Variants in BRCC3 observed in about 807,000 individuals in gnomAD.
BRCC3 encodes BRCA1/BRCA2-containing complex subunit 3.
A neutral mutation model predicts 28.0 loss-of-function variants in BRCC3; 15 were observed. The ratio of observed to expected loss-of-function variants is 0.54; its 90% CI spans 0.36 to 0.82. The LOEUF (loss-of-function observed/expected upper bound fraction) is 0.82, where lower values mean the gene tolerates loss of function less well. Ranked by LOEUF, BRCC3 falls within the 40% of genes least tolerant of loss-of-function variation. The pLI, the probability that BRCC3 is intolerant of heterozygous loss-of-function variation, is 0.01. For synonymous variants in BRCC3, 66 were observed against 80.3 expected (o/e 0.82, Z 0.95); for missense variants, 109 against 225.9 (o/e 0.48, Z 3.32).
intron 9 of BRCC3, among the ~76,000 whole-genome samples, chrX:155,119,370 A>G (rs2074376273): frequency 8.9e-6 from 1 of 111,975 alleles, no homozygotes; most frequent in South Asian, 3.7e-4. Flanking sequence ...GTCACATATT[A>G]TGAGAGAGAA....
intron 5 of BRCC3, chrX:155,078,937 A>G: frequency 3.0e-6 from 1 of 334,177 alleles, no homozygotes; most frequent in Non-Finnish European, 5.2e-6. Context: ...AAAATTGCTG[A>G]TTGCTGAATA....
intron 3 of BRCC3, among the ~76,000 whole-genome samples, chrX:155,074,331 A>G (rs990507089): frequency 1.8e-5 from 2 of 112,189 alleles, no homozygotes; most frequent in African/African-American, 6.5e-5. Context: ...TTCTTAAAAG[A>G]ATGGGCTACA....
intron 5 of BRCC3, among the ~76,000 whole-genome samples, chrX:155,080,745 A>ATAT (rs1260057766): frequency 1.8e-5 from 2 of 112,050 alleles, no homozygotes; most frequent in African/African-American, 6.5e-5. Context: ...AGTTGAGAAA[A>ATAT]TATTTTAACT....
chrX:155,110,957 A>G (rs782154114), intron 7 of BRCC3, among the ~76,000 whole-genome samples: 1 of 111,362 alleles, frequency 9.0e-6, no homozygotes, highest in East Asian at 2.8e-4. Context: ...TTAATATCCA[A>G]AATAACCAGG....
intron 7 of BRCC3, among the ~76,000 whole-genome samples, chrX:155,100,471 T>C (rs782012917): frequency 7.1e-5 from 8 of 112,709 alleles, no homozygotes; most frequent in African/African-American, 2.6e-4. Flanking sequence ...ACAGTTCTTA[T>C]GTCTTTTGTG....
chrX:155,094,131 C>T (rs148251065), intron 7 of BRCC3, among the ~76,000 whole-genome samples: 162 of 110,363 alleles, frequency 1.5e-3, no homozygotes, highest in Non-Finnish European at 2.6e-3. Context: ...GAAGTGGTAG[C>T]TCATTATTTG....
At chrX:155,099,225 G>T in intron 7 of BRCC3, 1 of 904,163 alleles carries the variant, frequency 1.1e-6, no homozygotes, top group Non-Finnish European at 1.4e-6. Context: ...TCTGGAGATG[G>T]ATATCAGGTC....
chrX:155,105,486 T>TA lies in BRCC3; in HGVS notation c.549-10563dup, dbSNP rs1397126339. Among the ~76,000 whole-genome samples, 3 of 110,910 alleles carry TA rather than the reference T, an allele frequency of 2.7e-5. 1 individual carries two copies. Among genetic ancestry groups the TA allele is most frequent in the South Asian group, 7.7e-4 (2 of 2,608 alleles). On this transcript the variant is annotated intron_variant, in intron 7 of 10. Transcript: ENST00000330045. ...CGACAGAGTGAGGGAAAATAATAAT[T>TA]AAAAAAAAGCTTATCTTCATGTCAG... is the stretch of plus-strand genomic sequence containing the variant.
chrX:155,112,815 A>G (rs2074329886), intron 7 of BRCC3, among the ~76,000 whole-genome samples: 1 of 112,521 alleles, frequency 8.9e-6, no homozygotes, highest in Non-Finnish European at 1.9e-5. Context: ...ACAAAAATCA[A>G]CAAACCAAAA....
chrX:155,074,710 A>G (rs1557293183), intron 3 of BRCC3, among the ~76,000 whole-genome samples: 2 of 112,422 alleles, frequency 1.8e-5, no homozygotes, highest in African/African-American at 6.5e-5. Flanking sequence ...CTTGAGTTTT[A>G]TGTCAGTTTG....
intron 9 of BRCC3, 45 bp downstream of exon 9, chrX:155,116,799 C>G: frequency 1.1e-6 from 1 of 949,833 alleles, no homozygotes; most frequent in Non-Finnish European, 1.5e-6. Flanking sequence ...CTGACTATTT[C>G]CCTGAAACAC....
chrX:155,088,547 T>A (rs1173949229), intron 5 of BRCC3, among the ~76,000 whole-genome samples: 14 of 110,354 alleles, frequency 1.3e-4, no homozygotes, highest in Admixed American at 9.6e-5. Flanking sequence ...GAGAAGGGGT[T>A]TCTCCTTGTT....
chrX:155,083,755 A>G (rs782001874), intron 5 of BRCC3, among the ~76,000 whole-genome samples: 3 of 112,611 alleles, frequency 2.7e-5, no homozygotes, highest in Admixed American at 1.9e-4. Flanking sequence ...AGAGTCATCA[A>G]TGGTATCCAT....
chrX:155,080,014 T>G (rs1399659667), intron 5 of BRCC3, among the ~76,000 whole-genome samples: 2 of 111,394 alleles, frequency 1.8e-5, no homozygotes, highest in African/African-American at 6.5e-5. Flanking sequence ...CTTTAATTGG[T>G]TCACTGATGT....
At chrX:155,105,748 G>C (rs1211906591) in intron 7 of BRCC3, among the ~76,000 whole-genome samples, 3 of 112,196 alleles carry the variant, frequency 2.7e-5, no homozygotes, top group Non-Finnish European at 5.6e-5. Flanking sequence ...GTCCAGGCTG[G>C]AGTGCAGTGG....
At chrX:155,079,883 C>T (rs2074072976) in intron 5 of BRCC3, among the ~76,000 whole-genome samples, 1 of 111,159 alleles carries the variant, frequency 9.0e-6, no homozygotes, top group African/African-American at 3.3e-5. Flanking sequence ...TACCCCTACT[C>T]TTCACTATGA....
chrX:155,076,181 C>G (rs1557293600), intron 3 of BRCC3, among the ~76,000 whole-genome samples: 1 of 111,398 alleles, frequency 9.0e-6, no homozygotes, highest in African/African-American at 3.3e-5. Flanking sequence ...GAGGTCGAGG[C>G]AGGCCTGAAG....
At position 155,116,783 on chromosome X, in the gene BRCC3, T is replaced by C. The variant is rs373281051; in HGVS notation, c.724+29T>C. 10 of 1,082,156 alleles carry C rather than the reference T, an allele frequency of 9.2e-6. No individual in the cohort carries two copies. The Admixed American group carries it at 2.5e-4, about 27-fold the overall frequency. The allele number at this position is 1,082,156 out of a possible 1,213,427, so 89.2% of individuals were successfully genotyped here. On this transcript the variant is annotated intron_variant, in intron 9 of 10. Coordinates refer to ENST00000330045, the MANE Select transcript of BRCC3 (RefSeq NM_001018055.3). Reference sequence around the variant, plus strand: ...AGAATTGTTTCTTGAGTACTCAGCATTTTTTCTGACTATTTCCCTGAAACA... The same window carrying C: ...AGAATTGTTTCTTGAGTACTCAGCACTTTTTCTGACTATTTCCCTGAAACA...
chrX:155,075,045 T>C (rs782286118), intron 3 of BRCC3, among the ~76,000 whole-genome samples: 10 of 112,701 alleles, frequency 8.9e-5, no homozygotes, highest in Non-Finnish European at 1.7e-4. Context: ...GAAGGGTGTA[T>C]TTTAGTTAAC....
Sources: gnomAD v4.1 joint callset for allele counts (sites outside exome capture counted in the v4.1 genomes callset) on GRCh38, gnomAD v4.1.1 for gene constraint, MANE v1.5 for transcripts, NCBI Gene and HGNC (gene_info 2026-07-23, HGNC 2026-07-21) for gene names.